BCAR3: variants seen among roughly 807,000 people sequenced by gnomAD.
BCAR3 encodes breast cancer anti-estrogen resistance protein 3.
BCAR3 carries 37 observed loss-of-function variants against 80.1 expected under a neutral mutation model. The observed-to-expected ratio is 0.46, with a 90% CI of 0.36 to 0.61. BCAR3 has a LOEUF of 0.61. Among genes scored for constraint, BCAR3 ranks in the 20% least tolerant of loss-of-function variants. The pLI is 0.00. For missense variants in BCAR3, 978 were observed against 1,068.2 expected, an observed-to-expected ratio of 0.92 and a Z score of 1.18; for synonymous variants, 389 against 418.9, an observed-to-expected ratio of 0.93 and a Z score of 0.87.
intron 5 of BCAR3, 88 bp from the exon 6 acceptor site, chr1:93,584,209 C>CA (rs1250327038): frequency 7.9e-4 from 942 of 1,191,608 alleles, no homozygotes; most frequent in Non-Finnish European, 8.8e-4. Context: ...TAAACAAAAA[C>CA]AAAAAAAAAG....
At chr1:93,744,559 TC>T (rs967839761) in intron 2 of BCAR3, among the ~76,000 whole-genome samples, 5 of 152,190 alleles carry the variant, frequency 3.3e-5, no homozygotes, top group East Asian at 1.9e-4. Context: ...AGAGCCCTGC[TC>T]AAGGCAGAGG....
chr1:93,587,548 T>C (rs1327244253), intron 5 of BCAR3, among the ~76,000 whole-genome samples: 5 of 152,190 alleles, frequency 3.3e-5, no homozygotes, highest in Non-Finnish European at 5.9e-5. Flanking sequence ...GCCTGGCTAC[T>C]GGGTCCCCAG....
At chr1:93,594,104 C>T (rs1425336006) in intron 3 of BCAR3, among the ~76,000 whole-genome samples, 8 of 152,148 alleles carry the variant, frequency 5.3e-5, no homozygotes, top group Non-Finnish European at 7.4e-5. Flanking sequence ...CTTTATTGTT[C>T]GTTTATTGTC....
At chr1:93,717,945 G>C (rs1454224556) in intron 2 of BCAR3, among the ~76,000 whole-genome samples, 1 of 152,060 alleles carries the variant, frequency 6.6e-6, no homozygotes, top group Non-Finnish European at 1.5e-5. Flanking sequence ...TGGTGGCAGA[G>C]GGTTGAACTT....
At chr1:93,816,389 C>G (rs1043623242) in intron 2 of BCAR3, among the ~76,000 whole-genome samples, 1 of 152,066 alleles carries the variant, frequency 6.6e-6, no homozygotes, top group Non-Finnish European at 1.5e-5. Context: ...AATTAAAACT[C>G]TGGGCTGGGC....
intron 2 of BCAR3, among the ~76,000 whole-genome samples, chr1:93,789,168 A>C (rs1020716653): frequency 6.6e-6 from 1 of 152,118 alleles, no homozygotes; most frequent in Non-Finnish European, 1.5e-5. Context: ...TTAAAAAAAT[A>C]TGTAAAATTG....
At chr1:93,678,383 G>C (rs1648594819) in intron 1 of BCAR3, among the ~76,000 whole-genome samples, 1 of 152,190 alleles carries the variant, frequency 6.6e-6, no homozygotes, top group African/African-American at 2.4e-5. Context: ...ACTATGCTAG[G>C]TGTTGGGGAC....
At chr1:93,790,072 C>A (rs780465293) in intron 2 of BCAR3, among the ~76,000 whole-genome samples, 1 of 152,200 alleles carries the variant, frequency 6.6e-6, no homozygotes, top group Middle Eastern at 3.4e-3. Context: ...CATTCTATGG[C>A]TATTAGTTCA....
At chr1:93,567,194 T>C in intron 11 of BCAR3, 85 bp downstream of exon 11, 1 of 1,501,534 alleles carries the variant, frequency 6.7e-7, no homozygotes, top group Admixed American at 1.9e-5. Context: ...GGTCTTTTTC[T>C]AAGTGAAGTC....
intron 2 of BCAR3, among the ~76,000 whole-genome samples, chr1:93,773,744 C>T (rs180820196): frequency 6.6e-6 from 1 of 152,150 alleles, no homozygotes; most frequent in African/African-American, 2.4e-5. Flanking sequence ...GTCCATTCCC[C>T]CACCCCAGCC....
chr1:93,832,564 G>C (rs918401711), intron 2 of BCAR3, among the ~76,000 whole-genome samples: 2 of 152,156 alleles, frequency 1.3e-5, no homozygotes, highest in Non-Finnish European at 2.9e-5. Context: ...AAGCCTACAG[G>C]ACCATCACAG....
Position 93,582,936 on chromosome 1 carries a change from G to C in BCAR3, c.1051C>G (p.Gln351Glu). The C allele has an allele frequency of 1.3e-6, 2 of 1,591,294 alleles. No individual in the cohort carries two copies. The highest frequency in any genetic ancestry group is 8.5e-7 in the Non-Finnish European group (1 of 1,171,640). Residue 351 changes from glutamine to glutamate, a missense_variant, in exon 7 of 12, where the codon CAG becomes GAG. Coordinates refer to ENST00000260502, the MANE Select transcript of BCAR3 (RefSeq NM_003567.4). ...GGGCTTGTGTCCACACCCGAGGACT[G>C]AGGTGGCAGCTTGCAGCCTGTGGGG... Reference protein sequence around the residue: ...YLPIGCKLPPQSSGVDTSPCP... With the variant: ...YLPIGCKLPPESSGVDTSPCP...
At chr1:93,799,921 T>C (rs1653416869) in intron 2 of BCAR3, among the ~76,000 whole-genome samples, 2 of 152,212 alleles carry the variant, frequency 1.3e-5, no homozygotes, top group East Asian at 3.8e-4. Context: ...TGAAATTCAC[T>C]GCCTACTGGT....
chr1:93,674,507 C>T, intron 2 of BCAR3, 107 bp downstream of exon 2: 1 of 1,253,612 alleles, frequency 8.0e-7, no homozygotes, highest in African/African-American at 1.5e-5. Flanking sequence ...ATCTCAGCCT[C>T]CCAAAGTGCT....
intron 2 of BCAR3, among the ~76,000 whole-genome samples, chr1:93,808,895 A>G (rs957390403): frequency 6.6e-6 from 1 of 152,236 alleles, no homozygotes; most frequent in East Asian, 1.9e-4. Flanking sequence ...GCTGTGAACT[A>G]TATTTCTATA....
intron 2 of BCAR3, among the ~76,000 whole-genome samples, chr1:93,713,600 C>G (rs945708301): frequency 6.6e-6 from 1 of 152,204 alleles, no homozygotes; most frequent in Non-Finnish European, 1.5e-5. Context: ...AAAATCAATA[C>G]TTAGTAAAAA....
chr1:93,706,850 C>T (rs1649842514), intron 2 of BCAR3, among the ~76,000 whole-genome samples: 1 of 152,184 alleles, frequency 6.6e-6, no homozygotes, highest in Admixed American at 6.5e-5. Flanking sequence ...CATTCATGAT[C>T]TATTACTAAA....
chr1:93,708,476 T>C (rs1021001011), intron 2 of BCAR3, among the ~76,000 whole-genome samples: 2 of 152,236 alleles, frequency 1.3e-5, no homozygotes, highest in African/African-American at 2.4e-5. Context: ...GTGGACACTT[T>C]ACAAATTGTC....
At chr1:93,639,154 TGAACGA>T (rs1189582729) in intron 3 of BCAR3, among the ~76,000 whole-genome samples, 1 of 152,168 alleles carries the variant, frequency 6.6e-6, no homozygotes, top group Non-Finnish European at 1.5e-5. Flanking sequence ...CCACTTGGGA[TGAACGA>T]CCGGTAGCTA....
Sources: gnomAD v4.1 joint callset for allele counts (sites outside exome capture counted in the v4.1 genomes callset) on GRCh38, gnomAD v4.1.1 for gene constraint, MANE v1.5 for transcripts, NCBI Gene and HGNC (gene_info 2026-07-23, HGNC 2026-07-21) for gene names.